RBFOX3: variants seen among roughly 807,000 people sequenced by gnomAD.
RBFOX3 encodes the protein RNA binding fox-1 homolog 3.
A neutral mutation model predicts 48.7 loss-of-function variants in RBFOX3; 17 were observed. The observed-to-expected ratio is 0.35, with a 90% CI of 0.24 to 0.52. RBFOX3 has a LOEUF of 0.52. Among genes scored for constraint, RBFOX3 ranks in the 20% least tolerant of loss-of-function variants. The pLI, the probability that RBFOX3 is intolerant of heterozygous loss-of-function variation, is 0.94. For missense variants in RBFOX3, 382 were observed against 497.5 expected, an observed-to-expected ratio of 0.77 and a Z score of 2.21; for synonymous variants, 212 against 209.5, an observed-to-expected ratio of 1.01 and a Z score of -0.10.
intron 3 of RBFOX3, among the ~76,000 whole-genome samples, chr17:79,251,222 C>G (rs77750187): frequency 0.04 from 6,142 of 152,190 alleles, 145 homozygotes; most frequent in East Asian, 0.12. Flanking sequence ...CGCCACCCAC[C>G]ACCAGGAACT....
chr17:79,172,173 C>CAAAAAAAAAAA (rs977301314), intron 4 of RBFOX3, among the ~76,000 whole-genome samples: 1 of 52,480 alleles, frequency 1.9e-5, no homozygotes, highest in Non-Finnish European at 3.6e-5. Context: ...GAGTCCGTCT[C>CAAAAAAAAAAA]AAAAAAAAAA....
intron 2 of RBFOX3, among the ~76,000 whole-genome samples, chr17:79,432,426 C>T (rs1171323317): frequency 2.6e-5 from 4 of 152,228 alleles, no homozygotes; most frequent in Admixed American, 1.3e-4. Flanking sequence ...CATGGAGGAG[C>T]TAACCATACC....
chr17:79,458,229 CAT>C (rs782169364), intron 2 of RBFOX3, among the ~76,000 whole-genome samples: 1 of 152,228 alleles, frequency 6.6e-6, no homozygotes, highest in Non-Finnish European at 1.5e-5. Flanking sequence ...CTGCCTGACT[CAT>C]ATGCTCTGAA....
chr17:79,258,726 G>C (rs955039381), intron 3 of RBFOX3, among the ~76,000 whole-genome samples: 4 of 152,202 alleles, frequency 2.6e-5, no homozygotes, highest in African/African-American at 9.6e-5. Context: ...TGGTTGGTGG[G>C]GGGTGCACTC....
intron 2 of RBFOX3, among the ~76,000 whole-genome samples, chr17:79,457,095 C>T (rs900123170): frequency 1.2e-4 from 19 of 152,210 alleles, no homozygotes; most frequent in African/African-American, 3.9e-4. Context: ...GTGAGGTCTA[C>T]AGGCACCCTC....
chr17:79,092,729 A>G (rs1489933610), intron 14 of RBFOX3: 8 of 716,402 alleles, frequency 1.1e-5, no homozygotes, highest in Non-Finnish European at 1.4e-5. Context: ...AGGAAAAACA[A>G]AAAGAGAAAT....
At chr17:79,451,885 C>T (rs902348782) in intron 2 of RBFOX3, among the ~76,000 whole-genome samples, 3 of 152,230 alleles carry the variant, frequency 2.0e-5, no homozygotes, top group South Asian at 4.1e-4. Flanking sequence ...CGTCTGGAGA[C>T]GCTTCCACAG....
Position 79,471,992 on chromosome 17 carries a change from A to T in RBFOX3, c.-175+10462T>A, listed in dbSNP as rs2077122958. ...AAGTTGCAGCCTGTGCCCTTAAGGAACTCCAGAAAGAAAAGGGGACAGGTG... is the reference window on the plus strand; with the variant it reads ...AAGTTGCAGCCTGTGCCCTTAAGGATCTCCAGAAAGAAAAGGGGACAGGTG... On this transcript the variant is annotated intron_variant, in intron 2 of 14. Transcript: ENST00000693108. The surrounding 1 kb of genome is among the most constrained non-coding windows in gnomAD (Gnocchi z 4.0). Among the ~76,000 whole-genome samples the T allele has an allele frequency of 6.6e-6, 1 of 152,192 alleles. No individual in the cohort carries two copies. Among genetic ancestry groups the T allele is most frequent in the African/African-American group, 2.4e-5 (1 of 41,452 alleles).
At chr17:79,585,116 A>T (rs2093205174) in intron 1 of RBFOX3, among the ~76,000 whole-genome samples, 1 of 152,064 alleles carries the variant, frequency 6.6e-6, no homozygotes, top group Non-Finnish European at 1.5e-5. Flanking sequence ...TGGTGAGGGG[A>T]TAAAAGACGA....
intron 1 of RBFOX3, among the ~76,000 whole-genome samples, chr17:79,573,277 C>G (rs913470275): frequency 6.6e-6 from 1 of 152,308 alleles, no homozygotes; most frequent in South Asian, 2.1e-4. Flanking sequence ...ACCAAGGCCA[C>G]GGGGAACAAA....
chr17:79,176,554 C>T (rs1176982599), intron 4 of RBFOX3, among the ~76,000 whole-genome samples: 2 of 152,378 alleles, frequency 1.3e-5, no homozygotes, highest in African/African-American at 4.8e-5. Flanking sequence ...GCTGGTGACA[C>T]AAGAAGTCGG....
At chr17:79,476,588 G>A (rs1443226657) in intron 2 of RBFOX3, among the ~76,000 whole-genome samples, 5 of 152,284 alleles carry the variant, frequency 3.3e-5, no homozygotes, top group Admixed American at 6.5e-5. Flanking sequence ...CCAGCCACAT[G>A]TTTCCCCTTG....
At chr17:79,141,646 G>C (rs546762577) in intron 4 of RBFOX3, among the ~76,000 whole-genome samples, 11 of 152,214 alleles carry the variant, frequency 7.2e-5, no homozygotes, top group African/African-American at 2.7e-4. Flanking sequence ...GGGCAGGCTA[G>C]AGCTTGAGTC....
rs2058462047 is a variant in RBFOX3, at chr17:79,212,124, A to G, written c.-34+23642T>C. 6.6e-6 allele frequency among the ~76,000 whole-genome samples: 1 copy of G among 152,216 alleles called. No individual in the cohort carries two copies. The highest frequency in any genetic ancestry group is 6.5e-5 in the Admixed American group (1 of 15,284). On this transcript the variant is annotated intron_variant, in intron 4 of 14. Coordinates refer to ENST00000693108, the MANE Select transcript of RBFOX3 (RefSeq NM_001350451.2). This position sits in a 1 kb window ranked among gnomAD's most constrained non-coding sequence, Gnocchi z 4.7. ...CGCCCAAAGACGGGCCCACCTGGGC[A>G]TCTTCGACCATGCCAGGGACAAGAC...
intron 2 of RBFOX3, among the ~76,000 whole-genome samples, chr17:79,346,720 A>G (rs1833605890): frequency 6.6e-6 from 1 of 152,248 alleles, no homozygotes; most frequent in Non-Finnish European, 1.5e-5. Flanking sequence ...CTATTCATTT[A>G]TTAGAACTCC....
chr17:79,359,989 G>T (rs867866652), intron 2 of RBFOX3, among the ~76,000 whole-genome samples: 1 of 152,062 alleles, frequency 6.6e-6, no homozygotes, highest in African/African-American at 2.4e-5. Context: ...GCCTCTCAAA[G>T]TGCTGGAATT....
chr17:79,387,979 T>C (rs2060803277), intron 2 of RBFOX3, among the ~76,000 whole-genome samples: 1 of 145,530 alleles, frequency 6.9e-6, no homozygotes, highest in South Asian at 2.4e-4. Flanking sequence ...CGTGTACCTG[T>C]GTGTGCATGT....
At chr17:79,515,126 G>A (rs933740099) in intron 1 of RBFOX3, among the ~76,000 whole-genome samples, 1 of 152,146 alleles carries the variant, frequency 6.6e-6, no homozygotes, top group Non-Finnish European at 1.5e-5. Context: ...ACACATCTAC[G>A]GGAAGGTAGA....
rs75667104 is a variant in RBFOX3 at position 79,379,343 on chromosome 17, C to T, written c.-174-71519G>A. Among the ~76,000 whole-genome samples, 532 of 152,254 alleles carry T rather than the reference C, an allele frequency of 3.5e-3. 1 individual carries two copies. Among genetic ancestry groups the T allele is most frequent in the African/African-American group, 0.012 (505 of 41,524 alleles). ...GGTCTCGGGGATGACCTCCTACTTC[C>T]GAGAGCTCACAAAATCCTCCTATGA... is the stretch of plus-strand genomic sequence containing the variant. On this transcript the variant is annotated intron_variant, in intron 2 of 14. Transcript: ENST00000693108.
Sources: gnomAD v4.1 joint callset for allele counts (sites outside exome capture counted in the v4.1 genomes callset) on GRCh38, gnomAD v4.1.1 for gene constraint, Gnocchi (gnomAD v3.1) non-coding constraint, MANE v1.5 for transcripts, NCBI Gene and HGNC (gene_info 2026-07-23, HGNC 2026-07-21) for gene names.